Variants in EXPH5 observed in about 807,000 individuals in gnomAD.
EXPH5 encodes exophilin-5.
Under a neutral mutation model 41.1 loss-of-function variants are expected in EXPH5, and 42 were observed. The ratio of observed to expected loss-of-function variants is 1.02; its 90% confidence interval spans 0.80 to 1.32. EXPH5 has a LOEUF of 1.32. EXPH5 is among the 40% of genes most tolerant of loss of function. The pLI is 0.00. For missense variants in EXPH5, 2,298 were observed against 2,314.5 expected, an observed-to-expected ratio of 0.99 and a Z score of 0.15; for synonymous variants, 798 against 833.5, an observed-to-expected ratio of 0.96 and a Z score of 0.73.
intron 4 of EXPH5, among the ~76,000 whole-genome samples, chr11:108,519,274 G>A (rs969441049): frequency 4.6e-5 from 7 of 152,084 alleles, no homozygotes; most frequent in African/African-American, 1.4e-4. Flanking sequence ...TAAGTGGTGG[G>A]GTGTGGTAAC....
At chr11:108,587,700 A>ATGTC (rs1405235542) in intron 1 of EXPH5, among the ~76,000 whole-genome samples, 16 of 152,276 alleles carry the variant, frequency 1.1e-4, no homozygotes, top group South Asian at 2.1e-4. Context: ...ATGAAAGTAA[A>ATGTC]AAATAGTCAA....
At chr11:108,591,939 C>T (rs560361464) in intron 1 of EXPH5, among the ~76,000 whole-genome samples, 31 of 152,348 alleles carry the variant, frequency 2.0e-4, no homozygotes, top group Non-Finnish European at 3.5e-4. Context: ...TAAGAAGCCC[C>T]ATCCTCTTCA....
intron 1 of EXPH5, among the ~76,000 whole-genome samples, chr11:108,542,586 T>G (rs1156247994): frequency 2.0e-5 from 3 of 152,216 alleles, no homozygotes; most frequent in African/African-American, 7.2e-5. Context: ...ATCAATTTAG[T>G]GTTTATGAGG....
intron 4 of EXPH5, among the ~76,000 whole-genome samples, chr11:108,519,756 A>T (rs28415840): frequency 1.3e-5 from 2 of 150,018 alleles, no homozygotes; most frequent in East Asian, 3.9e-4. Flanking sequence ...TTGGAAAAAA[A>T]GAAAAAAAGA....
intron 1 of EXPH5, among the ~76,000 whole-genome samples, chr11:108,549,213 G>A (rs2093952671): frequency 6.6e-6 from 1 of 152,202 alleles, no homozygotes; most frequent in South Asian, 2.1e-4. Context: ...GTTTTACCCT[G>A]AGGCTGATCA....
At chr11:108,577,152 C>T (rs147051343) in intron 1 of EXPH5, among the ~76,000 whole-genome samples, 332 of 152,232 alleles carry the variant, frequency 2.2e-3, no homozygotes, top group African/African-American at 7.7e-3. Context: ...CATTCATGAA[C>T]ATGTAGGTTG....
chr11:108,532,579 A>G (rs1020938883), intron 3 of EXPH5, among the ~76,000 whole-genome samples: 1 of 150,962 alleles, frequency 6.6e-6, no homozygotes, highest in African/African-American at 2.4e-5. Flanking sequence ...ATAATGATCA[A>G]CCTCATCATT....
chr11:108,563,737 A>T (rs1184568858), intron 1 of EXPH5, among the ~76,000 whole-genome samples: 2 of 152,080 alleles, frequency 1.3e-5, no homozygotes, highest in Non-Finnish European at 2.9e-5. Flanking sequence ...ACAGTAAAAA[A>T]CCACCACTGA....
intron 3 of EXPH5, among the ~76,000 whole-genome samples, chr11:108,534,010 A>C (rs1263979211): frequency 6.6e-6 from 1 of 152,078 alleles, no homozygotes; most frequent in Non-Finnish European, 1.5e-5. Context: ...GACCAGGCTA[A>C]TTTCAAACTC....
intron 3 of EXPH5, 34 bp downstream of exon 3, chr11:108,538,990 A>G (rs747859228): frequency 6.6e-7 from 1 of 1,517,252 alleles, no homozygotes; most frequent in East Asian, 2.3e-5. Context: ...ATCGGATAAC[A>G]AATGGGCCGT....
chr11:108,584,635 T>C (rs1219561115), intron 1 of EXPH5, among the ~76,000 whole-genome samples: 1 of 152,184 alleles, frequency 6.6e-6, no homozygotes, highest in African/African-American at 2.4e-5. Context: ...GCAAATTTTT[T>C]ACAAAGGGGC....
chr11:108,511,392 G>A lies in EXPH5; in HGVS notation c.4115C>T (p.Ala1372Val), dbSNP rs2093680029. 6.3e-7 allele frequency: 1 copy of A among 1,590,684 alleles called. No homozygotes were observed. The highest frequency in any genetic ancestry group is 1.4e-5 in the African/African-American group (1 of 73,584). Residue 1372 changes from alanine to valine, a missense_variant, in exon 6 of 6, where the codon GCT becomes GTT. Coordinates refer to ENST00000265843, the MANE Select transcript of EXPH5 (RefSeq NM_015065.3). ...TTCTGAATCACCTAGAGGTGTTTTA[G>A]CTAAATTATCTGAAAAAATCTCTCT... ...KAREIFSDNL[A>V]KTPLGDSENK...
At position 108,541,804 on chromosome 11, in the gene EXPH5, T is replaced by C. The variant is rs750110417; in HGVS notation, c.128A>G (p.Gln43Arg). 16 of 1,587,520 alleles carry C rather than the reference T, an allele frequency of 1.0e-5. No homozygotes were observed. The highest frequency in any genetic ancestry group is 2.2e-5 in the East Asian group (1 of 44,674). Residue 43 changes from glutamine (Q) to arginine (R), a missense_variant, in exon 2 of 6, where the codon CAG (glutamine) becomes CGG (arginine). Physicochemically the swap from Gln to Arg is conservative, Grantham distance 43. Transcript: ENST00000265843. The part of the protein sequence containing the change: ...RAEKDRISKL[Q>R]KTKRDIRWLQ... ...CCATCTGATATCCCTCTTTGTCTTC[T>C]GAAGTTTGCTGAAATAAAATAAAAC... is the stretch of plus-strand genomic sequence containing the variant.
chr11:108,575,028 G>A (rs2094075284), intron 1 of EXPH5, among the ~76,000 whole-genome samples: 1 of 152,192 alleles, frequency 6.6e-6, no homozygotes, highest in Non-Finnish European at 1.5e-5. Context: ...ATTTGTTAAA[G>A]TCATGGTTAG....
chr11:108,580,219 A>G (rs1384843374), intron 1 of EXPH5, among the ~76,000 whole-genome samples: 1 of 152,198 alleles, frequency 6.6e-6, no homozygotes, highest in East Asian at 1.9e-4. Context: ...AAAGCTGACA[A>G]TCCAATTTAA....
At chr11:108,607,430 C>T in the EXPH5 span, among the ~76,000 whole-genome samples, 2 of 152,140 alleles carry the variant, frequency 1.3e-5, no homozygotes, top group African/African-American at 4.8e-5. Context: ...TGCATCAATA[C>T]ATAACTATCA....
chr11:108,537,215 A>G (rs1431381009), intron 3 of EXPH5, among the ~76,000 whole-genome samples: 2 of 152,236 alleles, frequency 1.3e-5, no homozygotes, highest in African/African-American at 2.4e-5. Context: ...TAGGATTCAT[A>G]TCCAAATATT....
chr11:108,522,365 A>T (rs898155476), intron 4 of EXPH5, among the ~76,000 whole-genome samples: 3 of 152,162 alleles, frequency 2.0e-5, no homozygotes, highest in Admixed American at 2.0e-4. Flanking sequence ...CAATGTGTTA[A>T]GGGCTTTATG....
At chr11:108,572,951 C>A (rs1591752935) in intron 1 of EXPH5, among the ~76,000 whole-genome samples, 2 of 151,442 alleles carry the variant, frequency 1.3e-5, no homozygotes, top group Non-Finnish European at 2.9e-5. Flanking sequence ...ACGGGCTGCT[C>A]GTGTCTGTAA....
Sources: gnomAD v4.1 joint callset for allele counts (sites outside exome capture counted in the v4.1 genomes callset) on GRCh38, gnomAD v4.1.1 for gene constraint, MANE v1.5 for transcripts, NCBI Gene and HGNC (gene_info 2026-07-23, HGNC 2026-07-21) for gene names.